The following PLXNA4 variants were observed in gnomAD, a reference collection of about 807,000 sequenced individuals.
PLXNA4 encodes plexin A4.
PLXNA4 carries 44 observed loss-of-function variants against 191.8 expected under a neutral mutation model. The ratio of observed to expected loss-of-function variants is 0.23; its 90% confidence interval spans 0.18 to 0.29. PLXNA4 has a LOEUF of 0.29. PLXNA4 is among the 10% of genes least tolerant of loss of function. The pLI, the probability that PLXNA4 is intolerant of heterozygous loss-of-function variation, is 1.00. For missense variants in PLXNA4, 1,800 were observed against 2,488.8 expected, an observed-to-expected ratio of 0.72 and a Z score of 5.89; for synonymous variants, 1,082 against 1,009.5, an observed-to-expected ratio of 1.07 and a Z score of -1.36.
intron 3 of PLXNA4, chr7:132,484,636 C>T: frequency 1.8e-6 from 2 of 1,090,166 alleles, no homozygotes; most frequent in South Asian, 1.7e-5. Flanking sequence ...AACAGAACTA[C>T]CTGACCGAAC....
At chr7:132,365,354 T>TGCGCGCGC (rs1318200658) in intron 3 of PLXNA4, among the ~76,000 whole-genome samples, 100 of 125,930 alleles carry the variant, frequency 7.9e-4, no homozygotes, top group African/African-American at 3.6e-3. Context: ...TGTGTGTGTG[T>TGCGCGCGC]GTGTGTGCGT....
chr7:132,412,526 T>A (rs1386818783), intron 3 of PLXNA4, among the ~76,000 whole-genome samples: 3 of 152,194 alleles, frequency 2.0e-5, no homozygotes, highest in Non-Finnish European at 4.4e-5. Context: ...AAATCCTGTA[T>A]AAATATCACA....
intron 2 of PLXNA4, among the ~76,000 whole-genome samples, chr7:132,494,828 A>T (rs543785130): frequency 6.6e-6 from 1 of 152,284 alleles, no homozygotes; most frequent in African/African-American, 2.4e-5. Flanking sequence ...TTAAATGCAG[A>T]CGGTTTCCTT....
In PLXNA4 at chr7:132,174,924, G is replaced by T; in HGVS notation, c.3875-4C>A. ...TCCGTCTGCAGCTCGGCAAAGGCTG[G>T]CACGAAGAGAAGCCTGTGAGATGGC... is the stretch of plus-strand genomic sequence containing the variant. On this transcript the variant is annotated splice_region_variant and splice_polypyrimidine_tract_variant and intron_variant, in intron 20 of 31. Transcript: ENST00000321063. 1.9e-6 allele frequency: 3 copies of T among 1,613,856 alleles called. No homozygotes were observed. The highest frequency in any genetic ancestry group is 2.5e-6 in the Non-Finnish European group (3 of 1,179,788).
chr7:132,618,470 G>C (rs1256246950), intron 2 of PLXNA4, among the ~76,000 whole-genome samples: 1 of 152,234 alleles, frequency 6.6e-6, no homozygotes, highest in African/African-American at 2.4e-5. Flanking sequence ...TGTTGACCAA[G>C]TGAACTATTT....
chr7:132,243,427 TG>T (rs1798947348), intron 4 of PLXNA4, among the ~76,000 whole-genome samples: 1 of 152,224 alleles, frequency 6.6e-6, no homozygotes. Flanking sequence ...CTGCATGTTC[TG>T]GAATGTTCCA....
intron 25 of PLXNA4, among the ~76,000 whole-genome samples, chr7:132,151,413 AG>A (rs1795618531): frequency 1.8e-4 from 1 of 5,434 alleles, no homozygotes; most frequent in African/African-American, 1.2e-3. Context: ...AGGAGGAAGG[AG>A]GAGGAGGAGG....
intron 3 of PLXNA4, chr7:132,383,633 A>AAT (rs1739533235): frequency 1.0e-6 from 1 of 982,824 alleles, no homozygotes; most frequent in Non-Finnish European, 1.2e-6. Flanking sequence ...TGACTACATA[A>AAT]ATATACCAAA....
chr7:132,384,250 T>A (rs1354921500), intron 3 of PLXNA4: 1 of 985,332 alleles, frequency 1.0e-6, no homozygotes, highest in African/African-American at 1.7e-5. Flanking sequence ...ACAGAACAAA[T>A]CTACAGCACT....
chr7:132,262,227 G>C (rs1799672400), intron 4 of PLXNA4, among the ~76,000 whole-genome samples: 1 of 152,152 alleles, frequency 6.6e-6, no homozygotes, highest in Admixed American at 6.5e-5. Flanking sequence ...TGGTGGTGGG[G>C]AGAAGGTTAC....
At chr7:132,361,660 C>T (rs1387885463) in intron 3 of PLXNA4, among the ~76,000 whole-genome samples, 1 of 152,110 alleles carries the variant, frequency 6.6e-6, no homozygotes, top group African/African-American at 2.4e-5. Flanking sequence ...GGGAGTGAGG[C>T]CAGAAATTTG....
chr7:132,439,635 G>A (rs1795613050), intron 3 of PLXNA4, among the ~76,000 whole-genome samples: 1 of 152,122 alleles, frequency 6.6e-6, no homozygotes, highest in South Asian at 2.1e-4. Context: ...ATAGCTTTTG[G>A]AACCAAAACA....
At chr7:132,514,388 C>T (rs1050781534) in intron 1 of PLXNA4, among the ~76,000 whole-genome samples, 1 of 152,136 alleles carries the variant, frequency 6.6e-6, no homozygotes, top group Non-Finnish European at 1.5e-5. Context: ...TAGCAAACTA[C>T]ATATTGAATG....
intron 2 of PLXNA4, among the ~76,000 whole-genome samples, chr7:132,611,744 G>A (rs1250834770): frequency 6.6e-6 from 1 of 152,238 alleles, no homozygotes; most frequent in African/African-American, 2.4e-5. Flanking sequence ...TGTAGTGAGA[G>A]AGAACCAGTA....
intron 20 of PLXNA4, among the ~76,000 whole-genome samples, chr7:132,178,451 G>A (rs536528337): frequency 3.3e-5 from 5 of 152,276 alleles, no homozygotes; most frequent in East Asian, 3.9e-4. Flanking sequence ...GTCACCAAGC[G>A]CCTCCAACAT....
intron 4 of PLXNA4, among the ~76,000 whole-genome samples, chr7:132,278,531 T>C (rs1366439825): frequency 2.0e-5 from 3 of 152,210 alleles, no homozygotes; most frequent in Non-Finnish European, 4.4e-5. Flanking sequence ...CAAAAAGCCT[T>C]CGTGTCATCA....
rs189246960 is a variant in PLXNA4 at position 132,587,111 on chromosome 7, C to T, written c.-87+58817G>A. The stretch of plus-strand genomic sequence containing the variant: ...GTGCATTATTGTGTAGAGCTCAAGG[C>T]CCCACACTTTCAGCACTTTATGATA... On this transcript the variant is annotated intron_variant, in intron 2 of 4. Coordinates refer to the PLXNA4 transcript ENST00000378539. Among the ~76,000 whole-genome samples, 12 of 139,136 alleles carry T rather than the reference C, an allele frequency of 8.6e-5. No individual in the cohort carries two copies. In the East Asian group the frequency reaches 1.7e-3, roughly 20 times the overall value. 91.3% of individuals were successfully genotyped at this position (139,136 alleles called of 152,430 possible).
At chr7:132,607,188 C>T (rs1802942713) in intron 2 of PLXNA4, among the ~76,000 whole-genome samples, 1 of 152,168 alleles carries the variant, frequency 6.6e-6, no homozygotes, top group African/African-American at 2.4e-5. Context: ...GCACCCAGAG[C>T]ATTCCAGTTC....
chr7:132,389,444 A>T (rs547848750), intron 3 of PLXNA4, among the ~76,000 whole-genome samples: 1 of 152,200 alleles, frequency 6.6e-6, no homozygotes, highest in Non-Finnish European at 1.5e-5. Context: ...TAATTTTTGT[A>T]TAAGGTGTAA....
Sources: gnomAD v4.1 joint callset for allele counts (sites outside exome capture counted in the v4.1 genomes callset) on GRCh38, gnomAD v4.1.1 for gene constraint, MANE v1.5 for transcripts, NCBI Gene and HGNC (gene_info 2026-07-23, HGNC 2026-07-21) for gene names.